LRIG1: variants seen among roughly 807,000 people sequenced by gnomAD.
LRIG1 encodes leucine-rich repeats and immunoglobulin-like domains protein 1.
LRIG1 carries 48 observed loss-of-function variants against 99.2 expected under a neutral mutation model. That is an observed-to-expected ratio of 0.48 (90% CI 0.38 to 0.62). The LOEUF is 0.62. LRIG1 is among the 20% of genes least tolerant of loss of function. The pLI, the probability that LRIG1 is intolerant of heterozygous loss-of-function variation, is 0.00. For synonymous variants in LRIG1, 772 were observed against 596.1 expected (o/e 1.29, Z -4.30); for missense variants, 1,646 against 1,434.4 (o/e 1.15, Z -2.38).
intron 3 of LRIG1, among the ~76,000 whole-genome samples, chr3:66,450,748 C>A (rs912951912): frequency 1.3e-5 from 2 of 152,152 alleles, no homozygotes; most frequent in Non-Finnish European, 2.9e-5. Context: ...TAAAATTAAA[C>A]TATGAAAGCC....
At chr3:66,439,853 A>C (rs781429029) in intron 3 of LRIG1, among the ~76,000 whole-genome samples, 1 of 152,176 alleles carries the variant, frequency 6.6e-6, no homozygotes, top group African/African-American at 2.4e-5. Flanking sequence ...CGCACCACCA[A>C]AGCAACTTCC....
At chr3:66,492,966 G>A (rs1353479979) in intron 1 of LRIG1, among the ~76,000 whole-genome samples, 1 of 152,186 alleles carries the variant, frequency 6.6e-6, no homozygotes, top group Non-Finnish European at 1.5e-5. Flanking sequence ...TTCCTCAAAT[G>A]ACCCTGTGTT....
At chr3:66,406,625 T>A (rs746981472) in intron 8 of LRIG1, among the ~76,000 whole-genome samples, 39 of 152,200 alleles carry the variant, frequency 2.6e-4, no homozygotes, top group Non-Finnish European at 4.0e-4. Flanking sequence ...GAAACCTGCA[T>A]GCCCCTCTCT....
At chr3:66,401,645 C>A (rs1179592802) in intron 9 of LRIG1, 1 of 1,530,398 alleles carries the variant, frequency 6.5e-7, no homozygotes, top group African/African-American at 1.4e-5. Flanking sequence ...GGACGGGGAG[C>A]TGCAGCCAGC....
At chr3:66,394,962 A>G (rs1361327299) in intron 11 of LRIG1, among the ~76,000 whole-genome samples, 1 of 152,176 alleles carries the variant, frequency 6.6e-6, no homozygotes, top group Non-Finnish European at 1.5e-5. Flanking sequence ...CTCCAACCAA[A>G]ACAGAGAATA....
intron 9 of LRIG1, among the ~76,000 whole-genome samples, chr3:66,404,995 C>A (rs1702209494): frequency 6.6e-6 from 1 of 152,314 alleles, no homozygotes; most frequent in Admixed American, 6.5e-5. Context: ...AACCCAACAC[C>A]CAGGCCATCA....
At chr3:66,424,743 G>A (rs866471360) in intron 3 of LRIG1, among the ~76,000 whole-genome samples, 4 of 152,192 alleles carry the variant, frequency 2.6e-5, no homozygotes, top group South Asian at 4.1e-4. Flanking sequence ...TCAGCTTAAC[G>A]ATTTCTGGAC....
intron 1 of LRIG1, among the ~76,000 whole-genome samples, chr3:66,488,886 T>G (rs959950807): frequency 6.6e-6 from 1 of 152,228 alleles, no homozygotes; most frequent in African/African-American, 2.4e-5. Flanking sequence ...ACTGAAGGAC[T>G]GCCTGAGAAA....
At chr3:66,406,978 G>C (rs1300095130) in intron 8 of LRIG1, among the ~76,000 whole-genome samples, 2 of 152,182 alleles carry the variant, frequency 1.3e-5, no homozygotes, top group African/African-American at 4.8e-5. Context: ...CTCAAGATGG[G>C]AAAGACTGAC....
intron 7 of LRIG1, 121 bp from the exon 8 acceptor site, chr3:66,407,612 C>A (rs949450093): frequency 4.0e-6 from 4 of 1,002,508 alleles, no homozygotes; most frequent in Non-Finnish European, 5.9e-6. Flanking sequence ...TGCACACGCA[C>A]GCGCGTGCGT....
intron 17 of LRIG1, among the ~76,000 whole-genome samples, 182 bp downstream of exon 17, chr3:66,381,293 GATTT>G (rs2107916920): frequency 6.6e-6 from 1 of 152,276 alleles, no homozygotes; most frequent in South Asian, 2.1e-4. Context: ...CCATGGCGTA[GATTT>G]ATTTAGGAGA....
intron 3 of LRIG1, among the ~76,000 whole-genome samples, chr3:66,444,753 G>A (rs192415866): frequency 2.3e-4 from 35 of 152,234 alleles, no homozygotes; most frequent in African/African-American, 8.4e-4. Flanking sequence ...CAAGGGAAAG[G>A]GCATGAGGTT....
intron 1 of LRIG1, among the ~76,000 whole-genome samples, chr3:66,474,642 G>T (rs539608604): frequency 6.6e-6 from 1 of 151,986 alleles, no homozygotes; most frequent in Non-Finnish European, 1.5e-5. Flanking sequence ...CACAGCACCC[G>T]GCCCCATCTA....
chr3:66,421,183 C>A (rs1702797374), intron 3 of LRIG1, among the ~76,000 whole-genome samples: 1 of 152,160 alleles, frequency 6.6e-6, no homozygotes. Flanking sequence ...CAAACCATAT[C>A]ATTCTGCCCC....
intron 1 of LRIG1, among the ~76,000 whole-genome samples, chr3:66,467,770 G>A (rs536192462): frequency 6.6e-6 from 1 of 152,326 alleles, no homozygotes; most frequent in African/African-American, 2.4e-5. Flanking sequence ...CTATTAAACT[G>A]TGCTGTGTCT....
intron 7 of LRIG1, among the ~76,000 whole-genome samples, chr3:66,408,170 T>C (rs1164111640): frequency 6.6e-6 from 1 of 152,182 alleles, no homozygotes; most frequent in East Asian, 1.9e-4. Context: ...CGTGACATAT[T>C]GGTCATCTAT....
intron 3 of LRIG1, among the ~76,000 whole-genome samples, chr3:66,439,455 C>T (rs1039267855): frequency 1.3e-5 from 2 of 152,156 alleles, no homozygotes; most frequent in Non-Finnish European, 2.9e-5. Flanking sequence ...ACAACCTTCA[C>T]AAAATCCCAT....
At chr3:66,498,828 T>G (rs1247840432) in intron 1 of LRIG1, among the ~76,000 whole-genome samples, 1 of 152,210 alleles carries the variant, frequency 6.6e-6, no homozygotes, top group Non-Finnish European at 1.5e-5. Flanking sequence ...CGGGCCAAGT[T>G]AAAGATTCGT....
intron 1 of LRIG1, among the ~76,000 whole-genome samples, chr3:66,481,457 G>A (rs748678906): frequency 6.6e-6 from 1 of 152,114 alleles, no homozygotes; most frequent in African/African-American, 2.4e-5. Flanking sequence ...TTGTCCCTAG[G>A]GTGGGGGGAA....
Sources: allele counts gnomAD v4.1 joint callset (sites outside exome capture counted in the v4.1 genomes callset), GRCh38; gene constraint gnomAD v4.1.1; transcripts MANE v1.5; gene names NCBI Gene and HGNC (gene_info 2026-07-23, HGNC 2026-07-21).